Variants in GLIS3 observed in about 807,000 individuals in gnomAD.
GLIS3 encodes the protein GLIS family zinc finger 3.
Under a neutral mutation model 78.6 loss-of-function variants are expected in GLIS3, and 53 were observed. The observed-to-expected ratio is 0.67, with a 90% CI of 0.54 to 0.85. The LOEUF (loss-of-function observed/expected upper bound fraction) is 0.85. Among genes scored for constraint, GLIS3 ranks in the 40% least tolerant of loss-of-function variants. GLIS3 has a pLI of 0.00. For missense variants in GLIS3, 1,703 were observed against 1,231.1 expected (o/e 1.38, Z -5.74); for synonymous variants, 684 against 509.9 (o/e 1.34, Z -4.60).
chr9:4,269,837 A>G (rs1243604917), intron 2 of GLIS3, among the ~76,000 whole-genome samples: 1 of 152,152 alleles, frequency 6.6e-6, no homozygotes, highest in Non-Finnish European at 1.5e-5. Flanking sequence ...GACGGGAGAA[A>G]CAAACAAATA....
chr9:3,913,457 G>A (rs1015179166), intron 6 of GLIS3, among the ~76,000 whole-genome samples: 4 of 152,114 alleles, frequency 2.6e-5, no homozygotes, highest in Non-Finnish European at 4.4e-5. Flanking sequence ...AGCTTCGTGT[G>A]GCTTCATGTC....
chr9:4,285,696 G>GA (rs2130336474), intron 2 of GLIS3: 1 of 286,372 alleles, frequency 3.5e-6, no homozygotes, highest in Non-Finnish European at 6.7e-6. Flanking sequence ...AGGGAAACAG[G>GA]GCAGCGCTAC....
At chr9:4,057,211 C>T (rs947142849) in intron 4 of GLIS3, among the ~76,000 whole-genome samples, 2 of 152,132 alleles carry the variant, frequency 1.3e-5, no homozygotes, top group East Asian at 1.9e-4. Flanking sequence ...GCAGTCCCAT[C>T]GGCCCCTACC....
intron 4 of GLIS3, among the ~76,000 whole-genome samples, chr9:4,038,699 G>A (rs975796092): frequency 6.6e-6 from 1 of 152,108 alleles, no homozygotes; most frequent in Admixed American, 6.6e-5. Flanking sequence ...GACATAGTTT[G>A]GCCACACGTA....
At chr9:4,002,851 T>C (rs1821221760) in intron 4 of GLIS3, among the ~76,000 whole-genome samples, 1 of 152,158 alleles carries the variant, frequency 6.6e-6, no homozygotes, top group South Asian at 2.1e-4. Context: ...TCTTCCTGCT[T>C]TAAATATGAG....
upstream of GLIS3, among the ~76,000 whole-genome samples, chr9:4,303,851 T>C (rs1817156246): frequency 6.6e-6 from 1 of 152,236 alleles, no homozygotes; most frequent in African/African-American, 2.4e-5. Context: ...CATAAATTCA[T>C]AGATAAATAC....
intron 4 of GLIS3, among the ~76,000 whole-genome samples, chr9:3,962,956 G>A (rs1315669287): frequency 1.3e-5 from 2 of 150,852 alleles, no homozygotes; most frequent in Middle Eastern, 3.2e-3. Context: ...AGGGGGGGGG[G>A]GGGAGAGAGA....
chr9:4,011,216 G>C (rs1351578392), intron 4 of GLIS3, among the ~76,000 whole-genome samples: 1 of 152,180 alleles, frequency 6.6e-6, no homozygotes, highest in Non-Finnish European at 1.5e-5. Flanking sequence ...CGTGTGCGCA[G>C]AGTACAAAGA....
rs571872987 is a variant in GLIS3, at chr9:4,136,617, AG to A, written c.389-10677del. Among the ~76,000 whole-genome samples the A allele has an allele frequency of 2.6e-5, 4 of 152,310 alleles. No homozygotes were observed. In the South Asian group the frequency reaches 8.3e-4, roughly 32 times the overall value. ...ACTGGCATTCTAAGGAATACCCTTT[AG>A]AAAAGAATAAGCTAAAACATGAAGG... is the stretch of plus-strand genomic sequence containing the variant. On this transcript the variant is annotated intron_variant, in intron 2 of 10. Transcript: ENST00000381971.
At chr9:3,836,897 C>G (rs1202553474) in intron 9 of GLIS3, among the ~76,000 whole-genome samples, 2 of 152,190 alleles carry the variant, frequency 1.3e-5, no homozygotes, top group Non-Finnish European at 2.9e-5. Context: ...AAAGGACAAT[C>G]TCAGCATTCT....
At chr9:4,268,373 T>C (rs988178629) in intron 2 of GLIS3, among the ~76,000 whole-genome samples, 3 of 152,228 alleles carry the variant, frequency 2.0e-5, no homozygotes, top group African/African-American at 7.2e-5. Flanking sequence ...ATGTATTGCC[T>C]ACCATTATTC....
the GLIS3 span, among the ~76,000 whole-genome samples, chr9:4,480,279 A>C: frequency 7.1e-6 from 1 of 140,950 alleles, no homozygotes; most frequent in Non-Finnish European, 1.5e-5. Flanking sequence ...ATCACAGCTC[A>C]CTGCAGTCTA....
chr9:3,899,710 A>ATAGAGC (rs1254052586), intron 6 of GLIS3, among the ~76,000 whole-genome samples: 5 of 152,246 alleles, frequency 3.3e-5, no homozygotes, highest in African/African-American at 1.2e-4. Flanking sequence ...ACCTTTAGAT[A>ATAGAGC]TAGAGCTAGA....
rs923100785 is a variant in GLIS3 at position 4,190,999 on chromosome 9, C to T, written c.389-65058G>A. ...AGCAAATGCTGAGAGATTTTGTCAC[C>T]GCCAGGCCTGCCCTAAAAGAGCTCC... On this transcript the variant is annotated intron_variant, in intron 2 of 10. Coordinates refer to ENST00000381971, the MANE Select transcript of GLIS3 (RefSeq NM_001042413.2). Among the ~76,000 whole-genome samples the T allele has an allele frequency of 1.1e-4, 16 of 151,836 alleles. 1 individual carries two copies. The highest frequency in any genetic ancestry group is 3.9e-4 in the East Asian group (2 of 5,144).
At chr9:3,886,808 C>A (rs1398955505) in intron 7 of GLIS3, among the ~76,000 whole-genome samples, 1 of 152,204 alleles carries the variant, frequency 6.6e-6, no homozygotes, top group Non-Finnish European at 1.5e-5. Flanking sequence ...GGAAAATGCC[C>A]TGTCAGGGTC....
rs188749657 is a variant in GLIS3 at position 4,009,256 on chromosome 9, G to A, written c.1711-72067C>T. ...GCTGCCCACCTCCCTCGCACAGCCC[G>A]TGTGCAAAGACAGCCCCTCAGCTGT... On this transcript the variant is annotated intron_variant, in intron 4 of 10. Transcript: ENST00000381971. 5.0e-4 allele frequency among the ~76,000 whole-genome samples: 76 copies of A among 152,264 alleles called. No individual in the cohort carries two copies. In the East Asian group the frequency reaches 0.011, roughly 23 times the overall value.
the GLIS3 span, among the ~76,000 whole-genome samples, chr9:4,397,235 C>G: frequency 6.9e-6 from 1 of 144,918 alleles, no homozygotes; most frequent in African/African-American, 2.6e-5. Flanking sequence ...CCGTTTTAGC[C>G]GGGATGGTCT....
chr9:3,957,555 T>C (rs981085022), intron 4 of GLIS3, among the ~76,000 whole-genome samples: 2 of 152,182 alleles, frequency 1.3e-5, no homozygotes, highest in African/African-American at 2.4e-5. Flanking sequence ...AGGGCAGTAC[T>C]GACATAGAAA....
At chr9:4,147,953 G>C (rs1436418554) in intron 2 of GLIS3, among the ~76,000 whole-genome samples, 1 of 152,134 alleles carries the variant, frequency 6.6e-6, no homozygotes, top group Non-Finnish European at 1.5e-5. Context: ...GTTTCATTTT[G>C]CACACATCTC....
Sources: allele counts gnomAD v4.1 joint callset (sites outside exome capture counted in the v4.1 genomes callset), GRCh38; gene constraint gnomAD v4.1.1; transcripts MANE v1.5; gene names NCBI Gene and HGNC (gene_info 2026-07-23, HGNC 2026-07-21).